Variants in TIAL1 observed in about 807,000 individuals in gnomAD.
TIAL1 encodes the protein nucleolysin TIAR.
In TIAL1, 7 loss-of-function variants were observed where a neutral mutation model predicts 59.7. The ratio of observed to expected loss-of-function variants is 0.12; its 90% CI spans 0.07 to 0.22. The LOEUF is 0.22. Among genes scored for constraint, TIAL1 ranks in the 10% least tolerant of loss-of-function variants. The pLI, the probability that TIAL1 is intolerant of heterozygous loss-of-function variation, is 1.00. For synonymous variants in TIAL1, 149 were observed against 146.3 expected, an observed-to-expected ratio of 1.02 and a Z score of -0.13; for missense variants, 225 against 462.5, an observed-to-expected ratio of 0.49 and a Z score of 4.71.
chr10:119,574,609 AAAAAC>A lies in TIAL1; in HGVS notation c.*1051_*1055del, dbSNP rs1844885931. On this transcript the variant is annotated 3_prime_UTR_variant, in exon 12 of 12. Transcript: ENST00000436547. Reference sequence around the variant, plus strand: ...AGCAAAAAAAAAAAAAAAAAAAAACAAAAACAAAAAACTAATTCCCAATGACATTT... The same window carrying A: ...AGCAAAAAAAAAAAAAAAAAAAAACAAAAAAACTAATTCCCAATGACATTT... 1.4e-5 allele frequency: 2 copies of A among 147,006 alleles called. No individual in the cohort carries two copies. Among genetic ancestry groups the A allele is most frequent in the East Asian group, 4.0e-4 (2 of 5,016 alleles). The allele number at this position is 147,006 out of a possible 1,614,324, so 9.1% of individuals were successfully genotyped here.
chr10:119,576,486 A>G, intron 11 of TIAL1, 125 bp downstream of exon 11: 1 of 1,282,280 alleles, frequency 7.8e-7, no homozygotes, highest in Non-Finnish European at 1.1e-6. Context: ...ATTAGTTTCT[A>G]TAATGCTCAT....
In TIAL1 at chr10:119,574,286, C is replaced by G. The variant is rs1203288110; in HGVS notation, c.*1379G>C. ...AAACTCTGCACACATACAACTTAAG[C>G]CTCTGCTCAGGCTTATTATACCATG... On this transcript the variant is annotated 3_prime_UTR_variant, in exon 12 of 12. Coordinates refer to ENST00000436547, the MANE Select transcript of TIAL1 (RefSeq NM_003252.4). 6.6e-6 allele frequency: 1 copy of G among 152,134 alleles called. No homozygotes were observed. Among genetic ancestry groups the G allele is most frequent in the Non-Finnish European group, 1.5e-5 (1 of 68,018 alleles). The allele number at this position is 152,134 out of a possible 1,614,324, so 9.4% of individuals were successfully genotyped here. A position where few individuals can be genotyped will look rare whatever the true frequency, so the allele number is the denominator to read the frequency against.
At chr10:119,576,809 A>G (rs1019294123) in intron 10 of TIAL1, 59 bp from the exon 11 acceptor site, 9 of 1,589,360 alleles carry the variant, frequency 5.7e-6, no homozygotes, top group Non-Finnish European at 7.7e-6. Flanking sequence ...ATATGAAGAA[A>G]GAGTGGGAGA....
chr10:119,577,599 G>C (rs368419609), intron 8 of TIAL1, 42 bp downstream of exon 8: 1 of 1,606,268 alleles, frequency 6.2e-7, no homozygotes, highest in Non-Finnish European at 8.5e-7. Context: ...TATGAACAGT[G>C]ATGAAGCTCC....
chr10:119,592,476 A>C (rs1845931520), intron 1 of TIAL1, among the ~76,000 whole-genome samples: 1 of 152,172 alleles, frequency 6.6e-6, no homozygotes, highest in East Asian at 1.9e-4. Flanking sequence ...AAGACTAATG[A>C]CACTTTTTCA....
rs915049006 is a variant in TIAL1, at chr10:119,578,658, T to G, written c.556+68A>C. 9.9e-5 allele frequency: 130 copies of G among 1,308,488 alleles called. 2 individuals are homozygous for G. The South Asian group carries it at 1.4e-3, about 14-fold the overall frequency. 81.1% of individuals were successfully genotyped at this position (1,308,488 alleles called of 1,614,324 possible). On this transcript the variant is annotated intron_variant, in intron 7 of 11. Coordinates refer to ENST00000436547, the MANE Select transcript of TIAL1 (RefSeq NM_003252.4). The stretch of plus-strand genomic sequence containing the variant: ...ACATAAATAAATTAGAAATTGAGAC[T>G]AGATGAATACATGATACATGATTTT...
At position 119,577,720 on chromosome 10, in the gene TIAL1, C is replaced by A; in HGVS notation, c.573G>T (p.Leu191Phe). 6.2e-7 allele frequency: 1 copy of A among 1,614,010 alleles called. No individual in the cohort carries two copies. The highest frequency in any genetic ancestry group is 8.5e-7 in the Non-Finnish European group (1 of 1,179,878). Residue 191 changes from leucine (L) to phenylalanine (F), a missense_variant, in exon 8 of 12, where the codon TTG becomes TTT. By Grantham distance (22) the Leu-to-Phe change is conservative. Coordinates refer to ENST00000436547, the MANE Select transcript of TIAL1 (RefSeq NM_003252.4). Reference sequence around the variant, plus strand: ...ACTGGTTTACTACATCTTCAAATCTCAACTGCTTAGTGTTGTCTGTATGCA... The same window carrying A: ...ACTGGTTTACTACATCTTCAAATCTAAACTGCTTAGTGTTGTCTGTATGCA... ...KSTQENNTKQ[L>F]RFEDVVNQSS...
rs895415771 is a variant in TIAL1 at position 119,578,734 on chromosome 10, G to A, written c.548C>T (p.Thr183Ile). 2.5e-6 allele frequency: 4 copies of A among 1,613,450 alleles called. No homozygotes were observed. The highest frequency in any genetic ancestry group is 2.7e-5 in the African/African-American group (2 of 74,922). The change falls in exon 7 of 12, where the codon ACA becomes ATA. Residue 183 changes from threonine to isoleucine, a missense_variant. Physicochemically the swap from Thr to Ile is moderately conservative, Grantham distance 89. Transcript: ENST00000436547. ...ATRKPPAPKS[T>I]QENNTKQLRF... is the part of the protein sequence containing the mutation. The stretch of plus-strand genomic sequence containing the variant: ...CAGTGGACATATCTTACTTTCTTGT[G>A]TACTTTTAGGTGCAGGTGGTTTACG...
chr10:119,594,771 C>T (rs758885269), intron 1 of TIAL1, among the ~76,000 whole-genome samples: 5 of 152,108 alleles, frequency 3.3e-5, no homozygotes, highest in Admixed American at 6.6e-5. Context: ...ACTACAGGCG[C>T]GCGCCACCAC....
rs1367766493 is a variant in TIAL1 at position 119,575,020 on chromosome 10, T to C, written c.*645A>G. ...GACACTTTTGGAAGTTTTAAAAATA[T>C]GTCTTAACGTGGACCACCAACATTT... On this transcript the variant is annotated 3_prime_UTR_variant, in exon 12 of 12. Transcript: ENST00000436547. The C allele has an allele frequency of 1.3e-5, 2 of 152,642 alleles. No individual in the cohort carries two copies. The highest frequency in any genetic ancestry group is 6.5e-5 in the Admixed American group (1 of 15,282). 9.5% of individuals were successfully genotyped at this position (152,642 alleles called of 1,614,324 possible).
Position 119,582,276 on chromosome 10 carries a change from A to C in TIAL1, c.229-53T>G. ...ATTATTAGGCATGTCATGAGTTACA[A>C]CACTTACCACTTATTAAATCATTTA... On this transcript the variant is annotated intron_variant, in intron 3 of 11. Coordinates refer to ENST00000436547, the MANE Select transcript of TIAL1 (RefSeq NM_003252.4). The surrounding 1 kb of genome is among the most constrained non-coding windows in gnomAD (Gnocchi z 5.1). 6.7e-7 allele frequency: 1 copy of C among 1,500,650 alleles called. No homozygotes were observed. Among genetic ancestry groups the C allele is most frequent in the East Asian group, 2.3e-5 (1 of 43,938 alleles). 93.0% of individuals were successfully genotyped at this position (1,500,650 alleles called of 1,614,324 possible).
intron 7 of TIAL1, 54 bp from the exon 8 acceptor site, chr10:119,577,790 C>G (rs1845078278): frequency 6.9e-7 from 1 of 1,452,804 alleles, no homozygotes; most frequent in South Asian, 1.1e-5. Flanking sequence ...CTATGAAACT[C>G]TTCTGTTAAT....
At chr10:119,589,351 G>A (rs377491172) in intron 1 of TIAL1, among the ~76,000 whole-genome samples, 13 of 152,148 alleles carry the variant, frequency 8.5e-5, no homozygotes, top group Non-Finnish European at 1.6e-4. Flanking sequence ...GACTACAGGC[G>A]TGCACCACCA....
chr10:119,584,428 TACTGAAATGAAATTTATGAAAGAAAA>T (rs1447135576), intron 2 of TIAL1, among the ~76,000 whole-genome samples: 1 of 151,984 alleles, frequency 6.6e-6, no homozygotes, highest in African/African-American at 2.4e-5. Flanking sequence ...ATTTTTCACA[TACTGAAATGAAATTTATGAAAGAAAA>T]ATAAATAGCT....
intron 2 of TIAL1, among the ~76,000 whole-genome samples, chr10:119,584,186 T>C (rs962403145): frequency 6.6e-6 from 1 of 152,192 alleles, no homozygotes; most frequent in Non-Finnish European, 1.5e-5. Context: ...CATGTATATA[T>C]ACACATATAT....
chr10:119,595,091 G>A (rs1036058731), intron 1 of TIAL1, among the ~76,000 whole-genome samples: 2 of 152,176 alleles, frequency 1.3e-5, no homozygotes, highest in African/African-American at 4.8e-5. Flanking sequence ...ACTTCAGTGA[G>A]ACGTTAGAGA....
At chr10:119,589,552 C>G (rs954569764) in intron 1 of TIAL1, among the ~76,000 whole-genome samples, 1 of 152,078 alleles carries the variant, frequency 6.6e-6, no homozygotes, top group African/African-American at 2.4e-5. Flanking sequence ...ACAAAGATTT[C>G]TTAAGAAATT....
Position 119,575,571 on chromosome 10 carries a change from T to C in TIAL1, c.*94A>G, listed in dbSNP as rs2083894221. 6.6e-7 allele frequency: 1 copy of C among 1,506,406 alleles called. No homozygotes were observed. The highest frequency in any genetic ancestry group is 9.2e-7 in the Non-Finnish European group (1 of 1,091,800). The allele number at this position is 1,506,406 out of a possible 1,614,324, so 93.3% of individuals were successfully genotyped here. A position where few individuals can be genotyped will look rare whatever the true frequency, so the allele number is the denominator to read the frequency against. ...CAAACATTTCAATTTTTAAAATAAA[T>C]ATTTTCATTTTCCGATGTCTACTTT... On this transcript the variant is annotated 3_prime_UTR_variant, in exon 12 of 12. Transcript: ENST00000436547.
At chr10:119,587,415 C>T (rs1188914977) in intron 2 of TIAL1, among the ~76,000 whole-genome samples, 12 of 152,164 alleles carry the variant, frequency 7.9e-5, no homozygotes, top group South Asian at 2.1e-4. Flanking sequence ...TCCAAGAAGC[C>T]GCTCACTGAC....
Sources: gnomAD v4.1 joint callset for allele counts (sites outside exome capture counted in the v4.1 genomes callset) on GRCh38, gnomAD v4.1.1 for gene constraint, Gnocchi (gnomAD v3.1) non-coding constraint, MANE v1.5 for transcripts, NCBI Gene and HGNC (gene_info 2026-07-23, HGNC 2026-07-21) for gene names.